TTBK2: variants seen among roughly 807,000 people sequenced by gnomAD.
TTBK2 encodes the protein tau-tubulin kinase 2.
Under a neutral mutation model 110.8 loss-of-function variants are expected in TTBK2, and 28 were observed. The ratio of observed to expected loss-of-function variants is 0.25; its 90% CI spans 0.19 to 0.35. The LOEUF is 0.35. Among genes scored for constraint, TTBK2 ranks in the 10% least tolerant of loss-of-function variants. The pLI, the probability that TTBK2 is intolerant of heterozygous loss-of-function variation, is 1.00. For synonymous variants in TTBK2, 532 were observed against 527.3 expected (o/e 1.01, Z -0.12); for missense variants, 1,369 against 1,500.3 (o/e 0.91, Z 1.45).
intron 1 of TTBK2, among the ~76,000 whole-genome samples, chr15:42,911,943 G>T (rs542588782): frequency 1.1e-4 from 15 of 142,652 alleles, no homozygotes; most frequent in African/African-American, 4.1e-4. Context: ...TAACACTAAC[G>T]ATAGCTGATG....
rs77898380 is a variant in TTBK2 at position 42,817,723 on chromosome 15, C to A, written c.538-626G>T. ...AATAAAGTCCAAGCTTTTTACTTAG[C>A]CTACAAGACTTTTCATGATCTGGCA... On this transcript the variant is annotated intron_variant, in intron 6 of 14. Coordinates refer to ENST00000267890, the MANE Select transcript of TTBK2 (RefSeq NM_173500.4). Among the ~76,000 whole-genome samples, 713 of 152,304 alleles carry A rather than the reference C, an allele frequency of 4.7e-3. 7 individuals carry two copies. The highest frequency in any genetic ancestry group is 0.017 in the African/African-American group (688 of 41,566).
intron 4 of TTBK2, among the ~76,000 whole-genome samples, chr15:42,836,614 T>C (rs1022108793): frequency 6.6e-6 from 1 of 152,208 alleles, no homozygotes; most frequent in African/African-American, 2.4e-5. Context: ...TTGCCTAATA[T>C]ACACCAGTCT....
intron 1 of TTBK2, chr15:42,919,936 C>T (rs1388240196): frequency 4.4e-6 from 2 of 451,132 alleles, no homozygotes; most frequent in African/African-American, 4.3e-5. Flanking sequence ...CGAGCAAATC[C>T]CTCAGATCAT....
chr15:42,833,163 A>T (rs182207265), intron 4 of TTBK2, among the ~76,000 whole-genome samples: 1 of 150,132 alleles, frequency 6.7e-6, no homozygotes, highest in East Asian at 2.0e-4. Context: ...ATGTTTATCT[A>T]TGTAACAAAC....
chr15:42,754,418 T>C (rs2061913629), intron 13 of TTBK2, among the ~76,000 whole-genome samples: 1 of 151,188 alleles, frequency 6.6e-6, no homozygotes, highest in Non-Finnish European at 1.5e-5. Context: ...TTTTATGAGA[T>C]GTTGTCTTGC....
intron 6 of TTBK2, among the ~76,000 whole-genome samples, chr15:42,823,302 A>T (rs1461325195): frequency 6.6e-6 from 1 of 152,198 alleles, no homozygotes; most frequent in African/African-American, 2.4e-5. Context: ...GCAGATTCAA[A>T]TCATTAGGTA....
At chr15:42,888,474 C>T (rs926145595) in intron 1 of TTBK2, among the ~76,000 whole-genome samples, 29 of 152,120 alleles carry the variant, frequency 1.9e-4, no homozygotes, top group African/African-American at 6.8e-4. Flanking sequence ...GGCAGTCCAA[C>T]CAAGCCTAAT....
chr15:42,910,067 T>G (rs993196252), intron 1 of TTBK2, among the ~76,000 whole-genome samples: 3 of 152,174 alleles, frequency 2.0e-5, no homozygotes, highest in Non-Finnish European at 1.5e-5. Flanking sequence ...AACATTTTAT[T>G]TATTGAACAC....
intron 3 of TTBK2, among the ~76,000 whole-genome samples, chr15:42,850,282 C>A (rs1893644232): frequency 6.6e-6 from 1 of 152,192 alleles, no homozygotes; most frequent in Non-Finnish European, 1.5e-5. Flanking sequence ...TGAGTCAGAA[C>A]TAGAAGACTT....
intron 11 of TTBK2, among the ~76,000 whole-genome samples, chr15:42,778,237 G>GATTGATTA (rs1890016677): frequency 1.4e-5 from 2 of 141,756 alleles, no homozygotes; most frequent in South Asian, 4.5e-4. Context: ...GGAATTAAAT[G>GATTGATTA]ATTGATTAAC....
At chr15:42,757,467 T>C (rs555610130) in intron 13 of TTBK2, among the ~76,000 whole-genome samples, 27 of 152,144 alleles carry the variant, frequency 1.8e-4, no homozygotes, top group African/African-American at 6.3e-4. Flanking sequence ...CAAGAAGTCA[T>C]AGATAGGACT....
chr15:42,880,819 A>T (rs915947760), intron 1 of TTBK2, among the ~76,000 whole-genome samples: 30 of 152,194 alleles, frequency 2.0e-4, no homozygotes, highest in African/African-American at 6.5e-4. Context: ...AAAAATTTTT[A>T]AAAAACACTA....
intron 3 of TTBK2, among the ~76,000 whole-genome samples, chr15:42,849,430 T>A (rs72713795): frequency 0.13 from 19,324 of 152,258 alleles, 1,393 homozygotes; most frequent in South Asian, 0.23. Context: ...AATTTTAACA[T>A]CTGTATGATC....
Position 42,752,591 on chromosome 15 carries a change from C to T in TTBK2, c.2655G>A (p.Met885Ile), listed in dbSNP as rs761370127. 1.9e-6 allele frequency: 3 copies of T among 1,614,210 alleles called. No individual in the cohort carries two copies. The highest frequency in any genetic ancestry group is 1.1e-5 in the South Asian group (1 of 91,088). ...KNKISKDDDI[M>I]SEDLPGHQGD... ...CTTGATGACCTGGCAAGTCTTCACT[C>T]ATGATGTCATCATCCTTAGATATCT... The change falls in exon 14 of 15, where the codon ATG becomes ATA. Residue 885 changes from methionine to isoleucine, a missense_variant. This residue lies in a region of TTBK2 where 1,097 missense variants were observed against 1,114.7 expected (regional missense o/e 0.98). Transcript: ENST00000267890.
At chr15:42,879,751 T>C (rs1021372656) in intron 1 of TTBK2, among the ~76,000 whole-genome samples, 1 of 151,522 alleles carries the variant, frequency 6.6e-6, no homozygotes, top group Non-Finnish European at 1.5e-5. Context: ...AATCCCAGCA[T>C]CTTGGGAGGC....
chr15:42,888,142 A>C (rs1486195251), intron 1 of TTBK2, among the ~76,000 whole-genome samples: 1 of 152,058 alleles, frequency 6.6e-6, no homozygotes, highest in Non-Finnish European at 1.5e-5. Context: ...CCACTGCTTT[A>C]ATACTTTTAG....
intron 13 of TTBK2, among the ~76,000 whole-genome samples, chr15:42,753,756 T>C (rs955716129): frequency 6.6e-6 from 1 of 152,172 alleles, no homozygotes; most frequent in Non-Finnish European, 1.5e-5. Flanking sequence ...GAACACCCAC[T>C]TCTACTCCCC....
At chr15:42,897,378 CT>C (rs749757797) in intron 1 of TTBK2, among the ~76,000 whole-genome samples, 2 of 152,000 alleles carry the variant, frequency 1.3e-5, no homozygotes, top group African/African-American at 4.8e-5. Flanking sequence ...TGAGTGAACA[CT>C]TTTTAATACT....
chr15:42,794,901 G>A, intron 9 of TTBK2, 100 bp from the exon 10 acceptor site: 1 of 1,510,614 alleles, frequency 6.6e-7, no homozygotes, highest in Non-Finnish European at 9.1e-7. Context: ...ATTTTGTAAT[G>A]TGATTTTCTT....
Sources: allele counts gnomAD v4.1 joint callset (sites outside exome capture counted in the v4.1 genomes callset), GRCh38; gene constraint gnomAD v4.1.1; regional missense constraint gnomAD v4.1.1; transcripts MANE v1.5; gene names NCBI Gene and HGNC (gene_info 2026-07-23, HGNC 2026-07-21).